RIMS1: variants seen among roughly 807,000 people sequenced by gnomAD.
RIMS1 encodes the protein regulating synaptic membrane exocytosis 1, also known as regulating synaptic membrane exocytosis protein 1.
A neutral mutation model predicts 214.1 loss-of-function variants in RIMS1; 83 were observed. That is an observed-to-expected ratio of 0.39 (90% confidence interval 0.32 to 0.47). The LOEUF (loss-of-function observed/expected upper bound fraction) is 0.47. Among genes scored for constraint, RIMS1 ranks in the 20% least tolerant of loss-of-function variants. The pLI is 0.99. For synonymous variants in RIMS1, 793 were observed against 786.8 expected (o/e 1.01, Z -0.13); for missense variants, 2,050 against 2,161.8 (o/e 0.95, Z 1.03).
At chr6:72,093,185 A>G (rs1836754578) in intron 2 of RIMS1, among the ~76,000 whole-genome samples, 1 of 115,808 alleles carries the variant, frequency 8.6e-6, no homozygotes, top group African/African-American at 2.7e-5. Flanking sequence ...AAAAGTTTAG[A>G]TATGTATTAA....
intron 2 of RIMS1, among the ~76,000 whole-genome samples, chr6:72,078,590 C>T (rs1175679287): frequency 6.6e-6 from 1 of 152,100 alleles, no homozygotes; most frequent in Admixed American, 6.6e-5. Context: ...AGACAGGTTG[C>T]TATACCAAAC....
At chr6:72,007,992 G>A (rs963663249) in intron 2 of RIMS1, among the ~76,000 whole-genome samples, 9 of 152,106 alleles carry the variant, frequency 5.9e-5, no homozygotes, top group East Asian at 1.9e-4. Flanking sequence ...GATACTGTTC[G>A]AGAAGAGCAA....
intron 2 of RIMS1, among the ~76,000 whole-genome samples, chr6:71,996,746 C>T (rs1219481028): frequency 3.6e-5 from 5 of 137,916 alleles, no homozygotes; most frequent in Non-Finnish European, 8.1e-5. Flanking sequence ...ATAGAGGTGA[C>T]AAAAACAAGG....
At chr6:71,952,754 C>G (rs550147103) in intron 1 of RIMS1, among the ~76,000 whole-genome samples, 3 of 152,058 alleles carry the variant, frequency 2.0e-5, no homozygotes, top group Non-Finnish European at 4.4e-5. Context: ...CAGGGCACAG[C>G]GTTTATTTCT....
intron 4 of RIMS1, among the ~76,000 whole-genome samples, chr6:72,119,960 A>G (rs1427231694): frequency 6.6e-6 from 1 of 151,758 alleles, no homozygotes. Context: ...AGCTTCATCC[A>G]TGTCCCTACA....
At chr6:72,266,095 A>ACTGAAAAAAATCACTAG in intron 22 of RIMS1, 46 bp downstream of exon 22, 1 of 1,351,834 alleles carries the variant, frequency 7.4e-7, no homozygotes, top group Non-Finnish European at 1.0e-6. Flanking sequence ...TGTACTAGTG[A>ACTGAAAAAAATCACTAG]TTTTTTTCAG....
chr6:72,013,631 C>A (rs1458200304), intron 2 of RIMS1, among the ~76,000 whole-genome samples: 1 of 152,174 alleles, frequency 6.6e-6, no homozygotes, highest in Non-Finnish European at 1.5e-5. Context: ...CTAGGTCTGT[C>A]ATTTTACTTC....
intron 6 of RIMS1, among the ~76,000 whole-genome samples, chr6:72,186,803 G>A (rs1003496002): frequency 5.4e-5 from 8 of 147,488 alleles, no homozygotes; most frequent in South Asian, 2.2e-4. Context: ...ATATGTGTCC[G>A]AACAATCTCA....
At chr6:72,119,771 T>C (rs2037844733) in intron 4 of RIMS1, among the ~76,000 whole-genome samples, 1 of 151,766 alleles carries the variant, frequency 6.6e-6, no homozygotes, top group African/African-American at 2.4e-5. Flanking sequence ...GTCATTTACA[T>C]CAGGTATTTC....
At chr6:72,088,305 A>AT (rs1446959123) in intron 2 of RIMS1, among the ~76,000 whole-genome samples, 50 of 151,326 alleles carry the variant, frequency 3.3e-4, no homozygotes, top group Admixed American at 3.3e-3. Flanking sequence ...CTGAAGTGCA[A>AT]TGGCCTGATC....
chr6:72,008,345 A>G (rs982671936), intron 2 of RIMS1, among the ~76,000 whole-genome samples: 1 of 152,200 alleles, frequency 6.6e-6, no homozygotes, highest in Non-Finnish European at 1.5e-5. Context: ...GAAAGAAACA[A>G]CTGGTACCAG....
At chr6:72,354,716 T>C (rs1037257612) in intron 29 of RIMS1, among the ~76,000 whole-genome samples, 4 of 152,212 alleles carry the variant, frequency 2.6e-5, no homozygotes, top group Non-Finnish European at 4.4e-5. Flanking sequence ...TATTCAGTTT[T>C]ATTCACCTTG....
chr6:72,210,664 A>G (rs1286705157), intron 6 of RIMS1, among the ~76,000 whole-genome samples: 1 of 152,230 alleles, frequency 6.6e-6, no homozygotes, highest in Non-Finnish European at 1.5e-5. Context: ...GTGGTAATCT[A>G]AAGTGATATT....
chr6:71,971,085 G>T (rs1795733522), intron 2 of RIMS1, among the ~76,000 whole-genome samples: 1 of 152,036 alleles, frequency 6.6e-6, no homozygotes, highest in African/African-American at 2.4e-5. Flanking sequence ...TTTTAGGACA[G>T]AACTTAGATT....
At chr6:71,932,169 C>T (rs1783240162) in intron 1 of RIMS1, among the ~76,000 whole-genome samples, 1 of 152,102 alleles carries the variant, frequency 6.6e-6, no homozygotes, top group African/African-American at 2.4e-5. Flanking sequence ...TATAAAGACA[C>T]ATGCACACGT....
At chr6:72,239,382 C>T (rs934281825) in intron 9 of RIMS1, among the ~76,000 whole-genome samples, 1 of 152,134 alleles carries the variant, frequency 6.6e-6, no homozygotes, top group African/African-American at 2.4e-5. Context: ...AAAAGCTCAA[C>T]TTAAAGAACT....
At chr6:72,060,614 C>T (rs934659088) in intron 2 of RIMS1, among the ~76,000 whole-genome samples, 8 of 152,140 alleles carry the variant, frequency 5.3e-5, no homozygotes, top group Non-Finnish European at 1.2e-4. Flanking sequence ...ATTTTCTTCT[C>T]CCTCAAATTC....
At chr6:71,940,698 A>G (rs1157113391) in intron 1 of RIMS1, among the ~76,000 whole-genome samples, 1 of 152,190 alleles carries the variant, frequency 6.6e-6, no homozygotes. Context: ...AAGTAATGGA[A>G]GATTTGGCGA....
intron 22 of RIMS1, among the ~76,000 whole-genome samples, chr6:72,266,722 GCTGTAAGCATCTAATTTTTCCA>G (rs1258581106): frequency 2.0e-5 from 3 of 151,912 alleles, no homozygotes; most frequent in Non-Finnish European, 4.4e-5. Flanking sequence ...CTATCTCCTA[GCTGTAAGCATCTAATTTTTCCA>G]CTGTGATGGA....
Sources: gnomAD v4.1 joint callset for allele counts (sites outside exome capture counted in the v4.1 genomes callset) on GRCh38, gnomAD v4.1.1 for gene constraint, MANE v1.5 for transcripts, NCBI Gene and HGNC (gene_info 2026-07-23, HGNC 2026-07-21) for gene names.